SHANK2: variants seen among roughly 807,000 people sequenced by gnomAD.
The protein encoded by SHANK2 is SH3 and multiple ankyrin repeat domains protein 2.
SHANK2 carries 43 observed loss-of-function variants against 133.7 expected under a neutral mutation model. The observed-to-expected ratio is 0.32, with a 90% CI of 0.25 to 0.41. The LOEUF is 0.41. Ranked by LOEUF, SHANK2 falls within the 10% of genes least tolerant of loss-of-function variation. The pLI is 1.00. For synonymous variants in SHANK2, 1,017 were observed against 952.8 expected (o/e 1.07, Z -1.24); for missense variants, 1,994 against 2,235.8 (o/e 0.89, Z 2.18).
At chr11:71,093,913 G>A (rs1210929955) in intron 7 of SHANK2, among the ~76,000 whole-genome samples, 1 of 152,176 alleles carries the variant, frequency 6.6e-6, no homozygotes, top group African/African-American at 2.4e-5. Flanking sequence ...GGTGGAGGAT[G>A]CCTGGGCGTG....
chr11:71,107,627 A>G (rs896971392), intron 6 of SHANK2, among the ~76,000 whole-genome samples: 3 of 152,082 alleles, frequency 2.0e-5, no homozygotes, highest in Non-Finnish European at 4.4e-5. Flanking sequence ...CACAACAACT[A>G]TGAACTTTTT....
Position 70,537,942 on chromosome 11 carries a change from C to T in SHANK2, c.2062-35011G>A, listed in dbSNP as rs1288972340. On this transcript the variant is annotated intron_variant, in intron 17 of 25. Transcript: ENST00000601538. Reference sequence around the variant, plus strand: ...AGGAACTCTCTGGCCAGTCACCTGCCCTAGCTGGATTTACATTGAGAGGGC... The same window carrying T: ...AGGAACTCTCTGGCCAGTCACCTGCTCTAGCTGGATTTACATTGAGAGGGC... Among the ~76,000 whole-genome samples the T allele has an allele frequency of 2.0e-5, 3 of 152,132 alleles. No homozygotes were observed. The East Asian group carries it at 5.8e-4, about 29-fold the overall frequency.
chr11:70,880,056 G>T (rs1949635268), intron 11 of SHANK2, among the ~76,000 whole-genome samples: 1 of 152,224 alleles, frequency 6.6e-6, no homozygotes, highest in Non-Finnish European at 1.5e-5. Context: ...GAGGCCCAGG[G>T]GCCGGTGCTG....
At chr11:70,826,328 A>G (rs1001080640) in intron 11 of SHANK2, 1 of 406,208 alleles carries the variant, frequency 2.5e-6, no homozygotes, top group Non-Finnish European at 5.1e-6. Context: ...CCCAAACCAA[A>G]GTCATTATCC....
intron 17 of SHANK2, among the ~76,000 whole-genome samples, chr11:70,555,530 G>A (rs1316401902): frequency 6.6e-6 from 1 of 152,214 alleles, no homozygotes; most frequent in Non-Finnish European, 1.5e-5. Flanking sequence ...AGGATCACTT[G>A]AGCCCTCGAG....
At chr11:71,196,155 C>T (rs1555116173) in intron 2 of SHANK2, among the ~76,000 whole-genome samples, 1 of 152,108 alleles carries the variant, frequency 6.6e-6, no homozygotes, top group Non-Finnish European at 1.5e-5. Flanking sequence ...CACCACTGCA[C>T]TCCAACCTGG....
rs149393305 is a variant in SHANK2 at position 71,135,574 on chromosome 11, C to T, written c.207+11546G>A. Among the ~76,000 whole-genome samples the T allele has an allele frequency of 7.5e-3, 1,128 of 151,154 alleles. 19 individuals are homozygous for T. The highest frequency in any genetic ancestry group is 0.026 in the African/African-American group (1,076 of 40,976). ...CAATCTCAGCTCACTGCAACCTCCACCTCCCAGGTTCAAGCAATTCTCGTG... is the reference window on the plus strand; with the variant it reads ...CAATCTCAGCTCACTGCAACCTCCATCTCCCAGGTTCAAGCAATTCTCGTG... On this transcript the variant is annotated intron_variant, in intron 3 of 25. Transcript: ENST00000601538.
chr11:71,100,696 G>A (rs1219960202), intron 6 of SHANK2, among the ~76,000 whole-genome samples: 1 of 151,994 alleles, frequency 6.6e-6, no homozygotes. Context: ...GTGAAACCCC[G>A]TCTCTACTAA....
At chr11:70,488,345 G>T (rs2058841240) in intron 24 of SHANK2, among the ~76,000 whole-genome samples, 2 of 152,338 alleles carry the variant, frequency 1.3e-5, no homozygotes, top group South Asian at 4.1e-4. Flanking sequence ...CGGCTGCCCA[G>T]ATGTACAGGG....
chr11:70,644,317 G>A (rs1395354982), intron 17 of SHANK2, among the ~76,000 whole-genome samples: 3 of 151,942 alleles, frequency 2.0e-5, no homozygotes, highest in Admixed American at 6.6e-5. Flanking sequence ...CATTACACAC[G>A]AACTCCCCAT....
intron 6 of SHANK2, among the ~76,000 whole-genome samples, chr11:71,099,641 C>A (rs1277432675): frequency 1.3e-5 from 2 of 152,064 alleles, no homozygotes; most frequent in Non-Finnish European, 2.9e-5. Flanking sequence ...AGCAAACCAC[C>A]CAATTAAAAA....
chr11:70,896,712 C>T, intron 10 of SHANK2, 145 bp from the exon 11 acceptor site: 1 of 602,730 alleles, frequency 1.7e-6, no homozygotes, highest in South Asian at 2.1e-5. Flanking sequence ...CACTCATCCA[C>T]TCACCTTGCC....
At chr11:70,502,750 C>CCG in intron 18 of SHANK2, 46 bp downstream of exon 18, 1 of 1,278,538 alleles carries the variant, frequency 7.8e-7, no homozygotes, top group Non-Finnish European at 1.1e-6. Context: ...CACCCCCCCC[C>CCG]CCCAGTAGGG....
At chr11:71,137,493 C>T (rs1430337361) in intron 3 of SHANK2, among the ~76,000 whole-genome samples, 21 of 152,000 alleles carry the variant, frequency 1.4e-4, no homozygotes. Context: ...GAGGCTGCAG[C>T]AGGAGATGTG....
chr11:70,617,103 ATG>A (rs1466527996), intron 17 of SHANK2, among the ~76,000 whole-genome samples: 4 of 151,328 alleles, frequency 2.6e-5, no homozygotes, highest in Non-Finnish European at 4.4e-5. Context: ...GAGAGTGTGT[ATG>A]TGTGTGAGTG....
intron 10 of SHANK2, among the ~76,000 whole-genome samples, chr11:70,953,474 G>A (rs1312391724): frequency 6.6e-5 from 10 of 152,086 alleles, no homozygotes; most frequent in African/African-American, 1.9e-4. Flanking sequence ...GTCTGTGGTC[G>A]AAGGACCAAG....
At chr11:71,167,742 G>C (rs1322216684) in intron 2 of SHANK2, among the ~76,000 whole-genome samples, 6 of 140,796 alleles carry the variant, frequency 4.3e-5, no homozygotes, top group African/African-American at 1.6e-4. Flanking sequence ...AGTAGGGGCG[G>C]CCGGGCAGAG....
intron 13 of SHANK2, among the ~76,000 whole-genome samples, chr11:70,801,471 G>A (rs557279884): frequency 6.6e-4 from 100 of 152,326 alleles, no homozygotes; most frequent in African/African-American, 2.3e-3. Flanking sequence ...CAAGAGAGGG[G>A]TTTGTGCCTT....
intron 10 of SHANK2, among the ~76,000 whole-genome samples, chr11:70,911,473 C>G (rs1230124373): frequency 6.6e-6 from 1 of 152,238 alleles, no homozygotes; most frequent in East Asian, 1.9e-4. Flanking sequence ...ACACTTGGCA[C>G]TGTCCATCTT....
Sources: gnomAD v4.1 joint callset for allele counts (sites outside exome capture counted in the v4.1 genomes callset) on GRCh38, gnomAD v4.1.1 for gene constraint, MANE v1.5 for transcripts, NCBI Gene and HGNC (gene_info 2026-07-23, HGNC 2026-07-21) for gene names.